DNAH10: variants seen among roughly 807,000 people sequenced by gnomAD.
DNAH10 encodes the protein axonemal beta dynein heavy chain 10.
DNAH10 carries 348 observed loss-of-function variants against 506.6 expected under a neutral mutation model. The ratio of observed to expected loss-of-function variants is 0.69; its 90% CI spans 0.63 to 0.75. The LOEUF (loss-of-function observed/expected upper bound fraction) is 0.75, where lower values mean the gene tolerates loss of function less well. Among genes scored for constraint, DNAH10 ranks in the 30% least tolerant of loss-of-function variants. DNAH10 has a pLI of 0.00. For missense variants in DNAH10, 5,179 were observed against 5,787.1 expected, an observed-to-expected ratio of 0.89 and a Z score of 3.41; for synonymous variants, 2,059 against 2,198.6, an observed-to-expected ratio of 0.94 and a Z score of 1.78.
intron 27 of DNAH10, among the ~76,000 whole-genome samples, chr12:123,834,053 A>G (rs1960864988): frequency 6.6e-6 from 1 of 152,092 alleles, no homozygotes. Context: ...CTTGGGTGGG[A>G]TGAAGCCAGG....
In DNAH10 at chr12:123,847,954, A is replaced by G. The variant is rs1951022361; in HGVS notation, c.5815-7A>G. 3.1e-6 allele frequency: 5 copies of G among 1,600,506 alleles called. No homozygotes were observed. The highest frequency in any genetic ancestry group is 1.1e-5 in the South Asian group (1 of 89,810). On this transcript the variant is annotated splice_region_variant and splice_polypyrimidine_tract_variant and intron_variant, in intron 32 of 78. Transcript: ENST00000673944. Reference sequence around the variant, plus strand: ...AAAACATATGTTTTGCATTTGGCTTATAACAGGCGCTGTCCATGTATCTAG... The same window carrying G: ...AAAACATATGTTTTGCATTTGGCTTGTAACAGGCGCTGTCCATGTATCTAG...
rs1419050107 is a variant in DNAH10 at position 123,787,510 on chromosome 12, C to T, written c.1422-294C>T. Among the ~76,000 whole-genome samples the T allele has an allele frequency of 6.6e-6, 1 of 152,276 alleles. No individual in the cohort carries two copies. Among genetic ancestry groups the T allele is most frequent in the Non-Finnish European group, 1.5e-5 (1 of 68,050 alleles). On this transcript the variant is annotated intron_variant, in intron 9 of 78. Transcript: ENST00000673944. The surrounding 1 kb of genome is among the most constrained non-coding windows in gnomAD (Gnocchi z 4.6). ...GTGTTGCAGCTGCCGCTGTTGACCT[C>T]TGGCCTGGGGCCAAGGCCACCTGCC...
intron 18 of DNAH10, among the ~76,000 whole-genome samples, chr12:123,806,013 T>C (rs1418938775): frequency 6.6e-6 from 1 of 152,216 alleles, no homozygotes; most frequent in African/African-American, 2.4e-5. Context: ...CCTGACCTCA[T>C]GATCCGCCCG....
chr12:123,789,308 A>G (rs1171844615), intron 10 of DNAH10, among the ~76,000 whole-genome samples: 1 of 151,936 alleles, frequency 6.6e-6, no homozygotes, highest in Non-Finnish European at 1.5e-5. Flanking sequence ...GTGCATGGGT[A>G]TTTCATTGTT....
Position 123,913,122 on chromosome 12 carries a change from T to C in DNAH10, c.10159T>C (p.Tyr3387His). 1.2e-6 allele frequency: 2 copies of C among 1,611,422 alleles called. No homozygotes were observed. The highest frequency in any genetic ancestry group is 1.7e-6 in the Non-Finnish European group (2 of 1,179,190). ...EKVARLERNF[Y>H]LTKRELERIQ... is the part of the protein sequence containing the mutation. ...GGTGGCCAGGCTGGAGCGGAATTTT[T>C]ACCTCACTAAACGGGAACTGGAAAG... The change falls in exon 60 of 79, where the codon TAC becomes CAC. Residue 3387 changes from tyrosine to histidine, a missense_variant. Coordinates refer to ENST00000673944, the MANE Select transcript of DNAH10 (RefSeq NM_001372106.1). This position sits in a 1 kb window ranked among gnomAD's most constrained non-coding sequence, Gnocchi z 5.1.
intron 43 of DNAH10, among the ~76,000 whole-genome samples, chr12:123,868,495 C>A (rs935495719): frequency 6.6e-6 from 1 of 152,188 alleles, no homozygotes; most frequent in African/African-American, 2.4e-5. Context: ...TCCATTTTCA[C>A]CATATCATTC....
chr12:123,789,120 C>T (rs766401909), intron 10 of DNAH10, among the ~76,000 whole-genome samples: 12 of 151,660 alleles, frequency 7.9e-5, no homozygotes, highest in Admixed American at 2.6e-4. Flanking sequence ...TGGTGGCGGG[C>T]GCCTGTAATC....
chr12:123,836,299 A>G (rs144609166), intron 28 of DNAH10, among the ~76,000 whole-genome samples: 146 of 152,360 alleles, frequency 9.6e-4, no homozygotes, highest in African/African-American at 3.5e-3. Context: ...ATGGCTCTCT[A>G]TATTCCAGGG....
intron 12 of DNAH10, among the ~76,000 whole-genome samples, chr12:123,794,713 G>A (rs942967855): frequency 6.6e-6 from 1 of 151,916 alleles, no homozygotes; most frequent in Admixed American, 6.6e-5. Flanking sequence ...TGGTGTGGTG[G>A]CGCACACCTA....
chr12:123,874,408 C>G (rs1952161031), intron 46 of DNAH10, among the ~76,000 whole-genome samples: 1 of 152,030 alleles, frequency 6.6e-6, no homozygotes, highest in Non-Finnish European at 1.5e-5. Flanking sequence ...TCTGTTCACC[C>G]ATCCAACCAT....
intron 50 of DNAH10, 80 bp downstream of exon 50, chr12:123,879,881 GC>G: frequency 1.3e-6 from 2 of 1,513,556 alleles, no homozygotes; most frequent in South Asian, 1.3e-5. Context: ...TCGCGCGGGT[GC>G]CCGGGAGCCT....
intron 36 of DNAH10, among the ~76,000 whole-genome samples, chr12:123,855,487 A>G (rs976818202): frequency 3.3e-5 from 5 of 151,962 alleles, no homozygotes; most frequent in African/African-American, 1.2e-4. Flanking sequence ...TAAAAAATTT[A>G]GCTGGCTGTG....
chr12:123,801,030 A>G (rs1958464423), intron 15 of DNAH10, among the ~76,000 whole-genome samples: 1 of 152,222 alleles, frequency 6.6e-6, no homozygotes, highest in Admixed American at 6.5e-5. Context: ...AAAAAAAAGA[A>G]AAGTTTAAAA....
intron 57 of DNAH10, among the ~76,000 whole-genome samples, chr12:123,906,135 T>C (rs532480908): frequency 6.6e-6 from 1 of 152,152 alleles, no homozygotes; most frequent in Admixed American, 6.5e-5. Context: ...GGTTTCACCA[T>C]GTTAGCCAGG....
chr12:123,915,311 T>C (rs1954426562), intron 62 of DNAH10, among the ~76,000 whole-genome samples: 1 of 151,856 alleles, frequency 6.6e-6, no homozygotes, highest in Non-Finnish European at 1.5e-5. Flanking sequence ...GGAGCTGAGG[T>C]GGGGGATGGG....
intron 35 of DNAH10, among the ~76,000 whole-genome samples, chr12:123,852,065 C>T (rs1951197017): frequency 6.6e-6 from 1 of 152,162 alleles, no homozygotes; most frequent in African/African-American, 2.4e-5. Context: ...CCACTGCACC[C>T]AGCCTCATGT....
chr12:123,896,995 G>A (rs1251989544), intron 54 of DNAH10, among the ~76,000 whole-genome samples: 2 of 151,998 alleles, frequency 1.3e-5, no homozygotes, highest in South Asian at 2.1e-4. Context: ...CGTTAAACAC[G>A]AACTCCCCAT....
chr12:123,875,084 A>G, intron 46 of DNAH10, 147 bp from the exon 47 acceptor site: 1 of 866,582 alleles, frequency 1.2e-6, no homozygotes, highest in Non-Finnish European at 1.7e-6. Context: ...TACAGTTGCA[A>G]CCTTTGAGAA....
intron 64 of DNAH10, 25 bp from the exon 65 acceptor site, chr12:123,918,651 C>G: frequency 6.5e-7 from 1 of 1,531,562 alleles, no homozygotes. Context: ...TTCCTGTTTC[C>G]AGGGTCACCT....
Sources: allele counts gnomAD v4.1 joint callset (sites outside exome capture counted in the v4.1 genomes callset), GRCh38; gene constraint gnomAD v4.1.1; non-coding constraint Gnocchi (gnomAD v3.1); transcripts MANE v1.5; gene names NCBI Gene and HGNC (gene_info 2026-07-23, HGNC 2026-07-21).